HNRNPC: variants seen among roughly 807,000 people sequenced by gnomAD.
HNRNPC encodes heterogeneous nuclear ribonucleoprotein C, also known as heterogeneous nuclear ribonucleoproteins C1/C2.
In HNRNPC, 3 loss-of-function variants were observed where a neutral mutation model predicts 33.2. That is an observed-to-expected ratio of 0.09 (90% CI 0.04 to 0.23). HNRNPC has a LOEUF of 0.23. Among genes scored for constraint, HNRNPC ranks in the 10% least tolerant of loss-of-function variants. The pLI is 1.00. For synonymous variants in HNRNPC, 121 were observed against 126.7 expected (o/e 0.96, Z 0.30); for missense variants, 143 against 366.7 (o/e 0.39, Z 4.98).
chr14:21,230,596 C>T, intron 4 of HNRNPC: 3 of 543,608 alleles, frequency 5.5e-6, no homozygotes, highest in Non-Finnish European at 9.9e-6. Context: ...AAGATTTCCA[C>T]ATACGACATA....
chr14:21,255,425 A>C (rs538474783), intron 2 of HNRNPC, among the ~76,000 whole-genome samples: 1 of 152,218 alleles, frequency 6.6e-6, no homozygotes, highest in African/African-American at 2.4e-5. Context: ...GAGAATACAT[A>C]TTTTTAAAAT....
chr14:21,244,521 T>G (rs1199877442), intron 2 of HNRNPC, among the ~76,000 whole-genome samples: 1 of 152,214 alleles, frequency 6.6e-6, no homozygotes, highest in Admixed American at 6.5e-5. Flanking sequence ...ATTGCCAAAG[T>G]CAGAGAACTC....
At chr14:21,230,871 C>T (rs1377787411) in intron 4 of HNRNPC, 126 bp downstream of exon 4, 2 of 1,035,092 alleles carry the variant, frequency 1.9e-6, no homozygotes, top group Non-Finnish European at 2.9e-6. Context: ...AAACACAGTA[C>T]ACTTAAACCT....
rs946625046 is a variant in HNRNPC, at chr14:21,226,374, T to C, written c.365+3945A>G. Among the ~76,000 whole-genome samples, 41 of 151,526 alleles carry C rather than the reference T, an allele frequency of 2.7e-4. 1 individual carries two copies. Among genetic ancestry groups the C allele is most frequent in the African/African-American group, 8.5e-4 (35 of 41,188 alleles). ...AGAAAGAATAGTACCAGGGTAGCTG[T>C]TGACGAACATCAATTTCATGTATAT... On this transcript the variant is annotated intron_variant, in intron 5 of 8. Coordinates refer to ENST00000553300, the MANE Select transcript of HNRNPC (RefSeq NM_004500.4).
In HNRNPC at chr14:21,244,940, C is replaced by A. The variant is rs754954143; in HGVS notation, c.-36-10711G>T. Among the ~76,000 whole-genome samples, 4 of 151,844 alleles carry A rather than the reference C, an allele frequency of 2.6e-5. No homozygotes were observed. The South Asian group carries it at 8.3e-4, about 32-fold the overall frequency. On this transcript the variant is annotated intron_variant, in intron 2 of 8. Transcript: ENST00000553300. Reference sequence around the variant, plus strand: ...TCTCTACTAAAATAACAAAAATTAGCCAGGCGTGGTGGCATGCGCCTGTAG... The same window carrying A: ...TCTCTACTAAAATAACAAAAATTAGACAGGCGTGGTGGCATGCGCCTGTAG...
intron 2 of HNRNPC, among the ~76,000 whole-genome samples, chr14:21,258,714 T>C (rs900315909): frequency 6.6e-6 from 1 of 152,214 alleles, no homozygotes; most frequent in Non-Finnish European, 1.5e-5. Flanking sequence ...AAAGCCATTA[T>C]ATGACCCAAC....
At chr14:21,259,676 A>C (rs529192008) in intron 2 of HNRNPC, among the ~76,000 whole-genome samples, 49 of 151,830 alleles carry the variant, frequency 3.2e-4, no homozygotes, top group African/African-American at 1.0e-3. Flanking sequence ...TTTACCTCCT[A>C]ATCTCTAATC....
At chr14:21,251,769 TACC>T (rs1322816389) in intron 2 of HNRNPC, among the ~76,000 whole-genome samples, 5 of 152,180 alleles carry the variant, frequency 3.3e-5, no homozygotes, top group Admixed American at 2.0e-4. Context: ...AGAGCACAGT[TACC>T]ACATCAAATA....
intron 5 of HNRNPC, among the ~76,000 whole-genome samples, chr14:21,222,550 A>G (rs1594219160): frequency 6.6e-6 from 1 of 152,106 alleles, no homozygotes; most frequent in Non-Finnish European, 1.5e-5. Flanking sequence ...CATTTTGTTT[A>G]TTCTTTAGTC....
At chr14:21,240,818 A>G (rs758261143) in intron 2 of HNRNPC, among the ~76,000 whole-genome samples, 99 of 152,220 alleles carry the variant, frequency 6.5e-4, no homozygotes, top group Non-Finnish European at 1.3e-3. Flanking sequence ...CATTATACTT[A>G]AAACACATTA....
intron 2 of HNRNPC, among the ~76,000 whole-genome samples, chr14:21,260,194 C>A: frequency 7.3e-6 from 1 of 137,608 alleles, no homozygotes. Context: ...AACAAGACTC[C>A]ATCTCAAAAA....
At chr14:21,213,214 T>G in intron 5 of HNRNPC, 97 bp from the exon 6 acceptor site, 5 of 1,242,924 alleles carry the variant, frequency 4.0e-6, no homozygotes, top group Non-Finnish European at 5.5e-6. Flanking sequence ...ATATTGTCTC[T>G]AGTCGTTTCC....
intron 5 of HNRNPC, among the ~76,000 whole-genome samples, chr14:21,228,755 C>G (rs1893758256): frequency 6.6e-6 from 1 of 151,976 alleles, no homozygotes; most frequent in African/African-American, 2.4e-5. Context: ...TTACAGAACT[C>G]CTTAGTTTTC....
intron 2 of HNRNPC, among the ~76,000 whole-genome samples, chr14:21,260,309 T>A (rs1282263084): frequency 1.4e-5 from 2 of 143,202 alleles, no homozygotes; most frequent in Non-Finnish European, 3.0e-5. Flanking sequence ...GAGGTTGTGG[T>A]GAGCCAAGAT....
intron 7 of HNRNPC, 112 bp downstream of exon 7, chr14:21,211,698 C>T: frequency 7.1e-7 from 1 of 1,415,778 alleles, no homozygotes; most frequent in Non-Finnish European, 9.8e-7. Flanking sequence ...AATTCACACT[C>T]CCCAAGTTTC....
In HNRNPC at chr14:21,223,479, T is replaced by C. The variant is rs186308687; in HGVS notation, c.365+6840A>G. Among the ~76,000 whole-genome samples the C allele has an allele frequency of 7.9e-5, 12 of 152,276 alleles. No homozygotes were observed. In the East Asian group the frequency reaches 2.3e-3, roughly 29 times the overall value. Reference sequence around the variant, plus strand: ...AAAATTTAAGTCCAGCCAGATGCTATAGCTCATGCCTATAATCCCAGCACT... The same window carrying C: ...AAAATTTAAGTCCAGCCAGATGCTACAGCTCATGCCTATAATCCCAGCACT... On this transcript the variant is annotated intron_variant, in intron 5 of 8. Coordinates refer to ENST00000553300, the MANE Select transcript of HNRNPC (RefSeq NM_004500.4).
At chr14:21,221,164 T>C (rs887564150) in intron 5 of HNRNPC, among the ~76,000 whole-genome samples, 2 of 152,208 alleles carry the variant, frequency 1.3e-5, no homozygotes, top group Non-Finnish European at 2.9e-5. Context: ...ATCATATGCC[T>C]GCTGTAAGGA....
intron 2 of HNRNPC, among the ~76,000 whole-genome samples, chr14:21,249,120 G>A (rs938798260): frequency 6.6e-6 from 1 of 152,140 alleles, no homozygotes; most frequent in African/African-American, 2.4e-5. Context: ...AATACATAAT[G>A]CTTTTGTAAT....
At chr14:21,212,123 T>A in intron 6 of HNRNPC, 200 bp from the exon 7 acceptor site, 1 of 521,738 alleles carries the variant, frequency 1.9e-6, no homozygotes, top group East Asian at 3.3e-5. Context: ...TTTTAATGTC[T>A]TTTAGATCAG....
Sources: allele counts gnomAD v4.1 joint callset (sites outside exome capture counted in the v4.1 genomes callset), GRCh38; gene constraint gnomAD v4.1.1; transcripts MANE v1.5; gene names NCBI Gene and HGNC (gene_info 2026-07-23, HGNC 2026-07-21).